The following RSF1 variants were observed in gnomAD, a reference collection of about 807,000 sequenced individuals.
RSF1 encodes the protein HBV pX-associated protein 8.
Under a neutral mutation model 145.2 loss-of-function variants are expected in RSF1, and 13 were observed. The observed-to-expected ratio is 0.09, with a 90% CI of 0.06 to 0.14. The LOEUF is 0.14. RSF1 is among the 10% of genes least tolerant of loss of function. RSF1 has a pLI of 1.00. For synonymous variants in RSF1, 577 were observed against 592.6 expected, an observed-to-expected ratio of 0.97 and a Z score of 0.38; for missense variants, 1,517 against 1,718.2, an observed-to-expected ratio of 0.88 and a Z score of 2.07.
intron 11 of RSF1, among the ~76,000 whole-genome samples, chr11:77,682,166 A>G (rs551783981): frequency 1.9e-4 from 29 of 152,324 alleles, no homozygotes; most frequent in African/African-American, 6.7e-4. Flanking sequence ...TTTAAAGACT[A>G]GGATGGGCAC....
Position 77,738,099 on chromosome 11 carries a change from C to T in RSF1, c.578+2632G>A, listed in dbSNP as rs936637000. On this transcript the variant is annotated intron_variant, in intron 4 of 15. Transcript: ENST00000308488. ...AGCCAAGATCGCGCCACTGCACTCC[C>T]GCCTGGGCGACAGAGTGAGACTCCG... 2.6e-5 allele frequency among the ~76,000 whole-genome samples: 4 copies of T among 152,040 alleles called. No homozygotes were observed. The East Asian group carries it at 5.8e-4, about 22-fold the overall frequency.
the RSF1 span, chr11:77,866,842 CTT>C: frequency 3.3e-5 from 5 of 151,096 alleles, no homozygotes; most frequent in African/African-American, 1.2e-4. Context: ...TCTTTTTTTT[CTT>C]TTTCCTTTTT....
chr11:77,777,237 C>T (rs1250336352), intron 1 of RSF1, among the ~76,000 whole-genome samples: 1 of 152,046 alleles, frequency 6.6e-6, no homozygotes, highest in African/African-American at 2.4e-5. Context: ...ACCATAATAC[C>T]ATTATGATAT....
rs145349267 is a variant in RSF1, at chr11:77,810,400, C to T, written c.187+10128G>A. Among the ~76,000 whole-genome samples the T allele has an allele frequency of 7.4e-4, 112 of 152,214 alleles. 2 individuals carry two copies. In the East Asian group the frequency reaches 0.02, roughly 28 times the overall value. ...CAATATAATGTCATCACCTTGTTAACAAAAAAGCTTTTAGACTCACCTAAC... is the reference window on the plus strand; with the variant it reads ...CAATATAATGTCATCACCTTGTTAATAAAAAAGCTTTTAGACTCACCTAAC... On this transcript the variant is annotated intron_variant, in intron 1 of 15. Coordinates refer to ENST00000308488, the MANE Select transcript of RSF1 (RefSeq NM_016578.4).
At chr11:77,761,438 C>T (rs1484215394) in intron 2 of RSF1, among the ~76,000 whole-genome samples, 2 of 151,514 alleles carry the variant, frequency 1.3e-5, no homozygotes, top group African/African-American at 4.9e-5. Flanking sequence ...TAAAAGAAAT[C>T]AAGTGCGATT....
At chr11:77,808,679 G>A (rs1416226931) in intron 1 of RSF1, among the ~76,000 whole-genome samples, 2 of 133,638 alleles carry the variant, frequency 1.5e-5, no homozygotes, top group Non-Finnish European at 3.1e-5. Flanking sequence ...GACTACAGGC[G>A]CCCGCCACTA....
intron 1 of RSF1, among the ~76,000 whole-genome samples, chr11:77,800,627 T>C (rs958120719): frequency 7.2e-5 from 11 of 152,030 alleles, no homozygotes; most frequent in Admixed American, 1.3e-4. Context: ...CTCAGCACTT[T>C]GGAAGGGAGA....
chr11:77,759,272 A>G (rs1230994813), intron 2 of RSF1, among the ~76,000 whole-genome samples: 1 of 152,236 alleles, frequency 6.6e-6, no homozygotes, highest in Admixed American at 6.5e-5. Flanking sequence ...ACACTTTGGG[A>G]GGCCAAGGCA....
intron 14 of RSF1, 151 bp from the exon 15 acceptor site, chr11:77,672,381 G>A: frequency 1.5e-6 from 1 of 652,864 alleles, no homozygotes; most frequent in East Asian, 2.8e-5. Flanking sequence ...TTATTTGAGA[G>A]AGTATCTCAC....
chr11:77,799,772 GA>G (rs1176786671), intron 1 of RSF1, among the ~76,000 whole-genome samples: 1 of 152,144 alleles, frequency 6.6e-6, no homozygotes, highest in African/African-American at 2.4e-5. Flanking sequence ...TAACTAGACT[GA>G]TGAAGAAAAA....
rs769700891 is a variant in RSF1 at position 77,668,553 on chromosome 11, CT to C, written c.3752-1063del. Among the ~76,000 whole-genome samples, 85 of 152,230 alleles carry C rather than the reference CT, an allele frequency of 5.6e-4. 1 individual carries two copies. The highest frequency in any genetic ancestry group is 3.4e-3 in the Middle Eastern group (1 of 294). On this transcript the variant is annotated intron_variant, in intron 15 of 15. Transcript: ENST00000308488. ...TCTTTGTCTATATAGTTGGGCCCCCCTATCCATTAATTTAACCAACTGCAGA... is the reference window on the plus strand; with the variant it reads ...TCTTTGTCTATATAGTTGGGCCCCCCATCCATTAATTTAACCAACTGCAGA...
At chr11:77,722,644 T>C (rs1251463671) in intron 5 of RSF1, among the ~76,000 whole-genome samples, 4 of 152,182 alleles carry the variant, frequency 2.6e-5, no homozygotes, top group African/African-American at 9.7e-5. Context: ...TTATAAATGT[T>C]CCAATTTCCT....
At chr11:77,824,349 T>G, upstream of RSF1, among the ~76,000 whole-genome samples, 1 of 152,228 alleles carries the variant, frequency 6.6e-6, no homozygotes, top group East Asian at 1.9e-4. Context: ...GGCCTTTAAA[T>G]AAGCATTAAG....
the RSF1 span, among the ~76,000 whole-genome samples, chr11:77,848,035 A>G: frequency 6.6e-6 from 1 of 152,166 alleles, no homozygotes; most frequent in Non-Finnish European, 1.5e-5. Flanking sequence ...GCCTACCAAC[A>G]TAGGGGAGGG....
intron 15 of RSF1, among the ~76,000 whole-genome samples, chr11:77,670,881 C>T (rs1158865915): frequency 1.3e-5 from 2 of 151,246 alleles, no homozygotes; most frequent in Non-Finnish European, 2.9e-5. Context: ...CCAAGGTGGG[C>T]GGATAACCTG....
the RSF1 span, chr11:77,832,033 T>G: frequency 6.6e-6 from 1 of 152,020 alleles, no homozygotes; most frequent in South Asian, 2.1e-4. Flanking sequence ...AAATCTTGTA[T>G]GAAATTATGT....
intron 11 of RSF1, among the ~76,000 whole-genome samples, chr11:77,682,764 G>C (rs1044492547): frequency 1.3e-5 from 2 of 152,320 alleles, no homozygotes; most frequent in African/African-American, 2.4e-5. Context: ...CATTACAATT[G>C]TAAGTGCTTT....
the RSF1 span, among the ~76,000 whole-genome samples, chr11:77,849,769 T>C: frequency 6.6e-6 from 1 of 152,250 alleles, no homozygotes; most frequent in African/African-American, 2.4e-5. Context: ...ATGATCTTTC[T>C]TTCCTCTGCA....
chr11:77,691,121 T>C (rs765236150), intron 9 of RSF1, 38 bp downstream of exon 9: 1 of 1,571,706 alleles, frequency 6.4e-7, no homozygotes, highest in Non-Finnish European at 8.8e-7. Flanking sequence ...TCTGCTCTCA[T>C]ATTCCCAAAC....
Sources: allele counts gnomAD v4.1 joint callset (sites outside exome capture counted in the v4.1 genomes callset), GRCh38; gene constraint gnomAD v4.1.1; transcripts MANE v1.5; gene names NCBI Gene and HGNC (gene_info 2026-07-23, HGNC 2026-07-21).